SYNE2: variants seen among roughly 807,000 people sequenced by gnomAD.
The protein encoded by SYNE2 is nesprin-2.
In SYNE2, 431 loss-of-function variants were observed where a neutral mutation model predicts 856.3. The ratio of observed to expected loss-of-function variants is 0.50; its 90% CI spans 0.47 to 0.55. The LOEUF is 0.55. Ranked by LOEUF, SYNE2 falls within the 20% of genes least tolerant of loss-of-function variation. The pLI is 0.00. For synonymous variants in SYNE2, 2,923 were observed against 2,872.3 expected (o/e 1.02, Z -0.56); for missense variants, 8,129 against 8,023.2 (o/e 1.01, Z -0.50).
Position 63,978,952 on chromosome 14 carries a change from G to T in SYNE2, c.1507G>T (p.Asp503Tyr), listed in dbSNP as rs2096565312. 1.2e-6 allele frequency: 2 copies of T among 1,613,516 alleles called. No homozygotes were observed. The highest frequency in any genetic ancestry group is 1.7e-6 in the Non-Finnish European group (2 of 1,179,608). ...GLVDEVKSKL[D>Y]IWNIKYGSRE... ...GGTAGATGAAGTGAAATCAAAATTG[G>T]ATATTTGGAACATTAAATATGGGAG... The change falls in exon 14 of 116, where the codon GAT (aspartate) becomes TAT (tyrosine). Residue 503 changes from aspartate (D) to tyrosine (Y), a missense_variant. Asp to Tyr is a radical substitution (Grantham distance 160, BLOSUM62 -3). This residue lies in a region of SYNE2 where 2,422 missense variants were observed against 2,357.4 expected (regional missense o/e 1.03). Transcript: ENST00000555002.
intron 94 of SYNE2, chr14:64,174,068 A>ATTTT: frequency 3.3e-5 from 14 of 420,994 alleles, no homozygotes; most frequent in South Asian, 7.0e-5. Context: ...TGTCTCTTAA[A>ATTTT]TTTTTTTTTT....
Position 64,000,686 on chromosome 14 carries a change from GAGAA to G in SYNE2, c.3609_3612del (p.Arg1204SerfsTer4). On this transcript the variant is annotated frameshift_variant, in exon 28 of 116. Coordinates refer to ENST00000555002, the MANE Select transcript of SYNE2 (RefSeq NM_182914.3). LOFTEE classifies it high-confidence loss of function. ...AAGGAAAGAGACACACTAAAGGAAA[GAGAA>G]AGAGAGCTTCAGATGACTCTTAATA... 6.2e-7 allele frequency: 1 copy of G among 1,613,210 alleles called. No individual in the cohort carries two copies.
intron 1 of SYNE2, among the ~76,000 whole-genome samples, chr14:63,856,945 T>G (rs1468203438): frequency 2.0e-5 from 3 of 152,126 alleles, no homozygotes; most frequent in African/African-American, 7.2e-5. Flanking sequence ...AACTGTGAAT[T>G]TTTTTGTAGA....
Position 63,990,291 on chromosome 14 carries a change from G to A in SYNE2, c.2314-120G>A, listed in dbSNP as rs940310481. The A allele has an allele frequency of 4.6e-6, 4 of 869,426 alleles. No homozygotes were observed. The African/African-American group carries it at 5.2e-5, about 11-fold the overall frequency. The allele number at this position is 869,426 out of a possible 1,614,324, so 53.9% of individuals were successfully genotyped here. A position where few individuals can be genotyped will look rare whatever the true frequency, so the allele number is the denominator to read the frequency against. ...TCCTTAAAATATCATTTTTCAGAATGCAAATTTGCCTGATTTTGGATTAAT... is the reference window on the plus strand; with the variant it reads ...TCCTTAAAATATCATTTTTCAGAATACAAATTTGCCTGATTTTGGATTAAT... On this transcript the variant is annotated intron_variant, in intron 19 of 115. Transcript: ENST00000555002.
intron 14 of SYNE2, among the ~76,000 whole-genome samples, chr14:63,979,885 G>T (rs2096572842): frequency 6.6e-6 from 1 of 152,150 alleles, no homozygotes; most frequent in African/African-American, 2.4e-5. Flanking sequence ...CAGCCTGGGC[G>T]ACAGAGCAAG....
At chr14:64,120,294 T>G (rs1038272050) in intron 67 of SYNE2, among the ~76,000 whole-genome samples, 3 of 152,256 alleles carry the variant, frequency 2.0e-5, no homozygotes, top group Non-Finnish European at 4.4e-5. Context: ...AGGGGAAATT[T>G]GAATTTATAA....
At chr14:64,143,339 A>G (rs60849325) in intron 82 of SYNE2, among the ~76,000 whole-genome samples, 83 of 152,232 alleles carry the variant, frequency 5.5e-4, no homozygotes, top group Admixed American at 1.7e-3. Flanking sequence ...GAAGCTGCCT[A>G]AATGACAGAG....
intron 1 of SYNE2, among the ~76,000 whole-genome samples, chr14:63,890,696 T>C (rs1405399332): frequency 3.3e-5 from 5 of 152,184 alleles, no homozygotes; most frequent in Admixed American, 6.5e-5. Context: ...TTGTTAATGA[T>C]TTCTAATTTG....
chr14:63,988,621 G>T (rs923137827), intron 19 of SYNE2, among the ~76,000 whole-genome samples: 1 of 152,108 alleles, frequency 6.6e-6, no homozygotes, highest in Non-Finnish European at 1.5e-5. Context: ...ATATTAGTTT[G>T]TTTTCACCCT....
At chr14:64,124,704 T>C (rs1410839993) in intron 70 of SYNE2, among the ~76,000 whole-genome samples, 1 of 152,146 alleles carries the variant, frequency 6.6e-6, no homozygotes, top group Non-Finnish European at 1.5e-5. Flanking sequence ...CTTTTTCTAT[T>C]TAAATTAATA....
At chr14:63,923,725 T>C (rs970154952) in intron 2 of SYNE2, among the ~76,000 whole-genome samples, 9 of 152,168 alleles carry the variant, frequency 5.9e-5, no homozygotes, top group Admixed American at 1.3e-4. Flanking sequence ...TACAATGCAA[T>C]TCACCCATTT....
chr14:63,818,065 A>T lies in SYNE2; in HGVS notation c.-304-34436A>T, dbSNP rs12588087. ...AAAAAAACAAATAAATAAAAATTAG[A>T]CCAGGCCAAGTGGCTCACGCCTGTG... On this transcript the variant is annotated intron_variant, in intron 1 of 23. Coordinates refer to the SYNE2 transcript ENST00000674003. Among the ~76,000 whole-genome samples, 418 of 145,778 alleles carry T rather than the reference A, an allele frequency of 2.9e-3. 5 individuals are homozygous for T. The highest frequency in any genetic ancestry group is 7.0e-3 in the Middle Eastern group (2 of 284).
chr14:63,983,492 C>T (rs955889901), intron 17 of SYNE2, among the ~76,000 whole-genome samples: 3 of 152,012 alleles, frequency 2.0e-5, no homozygotes, highest in African/African-American at 7.2e-5. Flanking sequence ...ATACACTGAG[C>T]CTTATGTATC....
Position 64,017,328 on chromosome 14 carries a change from CAAAAAAAAAAAAA to C in SYNE2, c.4888-254_4888-242del, listed in dbSNP as rs34399201. 4.4e-4 allele frequency among the ~76,000 whole-genome samples: 29 copies of C among 66,604 alleles called. No individual in the cohort carries two copies. In the South Asian group the frequency reaches 4.9e-3, roughly 11 times the overall value. 43.7% of individuals were successfully genotyped at this position (66,604 alleles called of 152,430 possible). ...TGGGCGACAGAGCAAGACTCCATCTCAAAAAAAAAAAAAAAAAAAAAAAAAGAAATTAGGAAGA... is the reference window on the plus strand; with the variant it reads ...TGGGCGACAGAGCAAGACTCCATCTCAAAAAAAAAAAAGAAATTAGGAAGA... On this transcript the variant is annotated intron_variant, in intron 33 of 115. Transcript: ENST00000555002.
intron 60 of SYNE2, among the ~76,000 whole-genome samples, chr14:64,091,987 G>C (rs972502464): frequency 1.3e-5 from 2 of 152,018 alleles, no homozygotes; most frequent in Non-Finnish European, 2.9e-5. Context: ...TGTAATCTCT[G>C]GTTTGAGTCT....
At chr14:63,964,928 G>A (rs955416818) in intron 10 of SYNE2, among the ~76,000 whole-genome samples, 1 of 151,018 alleles carries the variant, frequency 6.6e-6, no homozygotes, top group Admixed American at 6.6e-5. Flanking sequence ...GGCAAATAAT[G>A]ACAACTGTGA....
rs1264331455 is a variant in SYNE2 at position 64,025,233 on chromosome 14, T to C, written c.6064T>C (p.Tyr2022His). The C allele has an allele frequency of 7.0e-5, 113 of 1,613,982 alleles. No individual in the cohort carries two copies. The highest frequency in any genetic ancestry group is 9.2e-5 in the Non-Finnish European group (108 of 1,179,990). The change falls in exon 41 of 116, where the codon TAC (tyrosine) becomes CAC (histidine). Residue 2022 changes from tyrosine to histidine, a missense_variant. Around this residue, in one of 3 missense-constraint regions of SYNE2, gnomAD observed 2,422 missense variants for 2,357.4 expected, o/e 1.03. Coordinates refer to ENST00000555002, the MANE Select transcript of SYNE2 (RefSeq NM_182914.3). ...IMEATCLMDRYQTLLRQLSEI... is the reference protein window; with the variant it reads ...IMEATCLMDRHQTLLRQLSEI... Reference sequence around the variant, plus strand: ...GGAAGCAACATGTTTGATGGATAGATACCAGACATTACTGAGACAACTAAG... The same window carrying C: ...GGAAGCAACATGTTTGATGGATAGACACCAGACATTACTGAGACAACTAAG...
intron 1 of SYNE2, among the ~76,000 whole-genome samples, chr14:63,772,586 T>C (rs1886956943): frequency 6.6e-6 from 1 of 151,332 alleles, no homozygotes; most frequent in African/African-American, 2.4e-5. Context: ...CACCAAAAAT[T>C]ACAAAATTTA....
At chr14:63,986,765 G>A in intron 19 of SYNE2, 148 bp downstream of exon 19, 1 of 896,066 alleles carries the variant, frequency 1.1e-6, no homozygotes, top group East Asian at 2.6e-5. Context: ...TTTTATCCCT[G>A]GATCATTTGC....
Sources: allele counts gnomAD v4.1 joint callset (sites outside exome capture counted in the v4.1 genomes callset), GRCh38; gene constraint gnomAD v4.1.1; regional missense constraint gnomAD v4.1.1; transcripts MANE v1.5; gene names NCBI Gene and HGNC (gene_info 2026-07-23, HGNC 2026-07-21).